Variants in ARHGAP26 observed in about 807,000 individuals in gnomAD.
The protein encoded by ARHGAP26 is rho GTPase-activating protein 26.
In ARHGAP26, 38 loss-of-function variants were observed where a neutral mutation model predicts 104.8. The observed-to-expected ratio is 0.36, with a 90% CI of 0.28 to 0.48. The LOEUF (loss-of-function observed/expected upper bound fraction) is 0.48, where lower values mean the gene tolerates loss of function less well. Among genes scored for constraint, ARHGAP26 ranks in the 20% least tolerant of loss-of-function variants. ARHGAP26 has a pLI of 0.99. For synonymous variants in ARHGAP26, 341 were observed against 340.0 expected (o/e 1.00, Z -0.03); for missense variants, 704 against 947.9 (o/e 0.74, Z 3.38).
chr5:143,185,893 A>T (rs1231876515), intron 20 of ARHGAP26, among the ~76,000 whole-genome samples: 1 of 152,138 alleles, frequency 6.6e-6, no homozygotes, highest in Non-Finnish European at 1.5e-5. Flanking sequence ...TTGACCTTGC[A>T]TCCCCGGTGG....
chr5:142,784,807 C>T (rs960462194), intron 1 of ARHGAP26, among the ~76,000 whole-genome samples: 3 of 152,116 alleles, frequency 2.0e-5, no homozygotes, highest in African/African-American at 7.2e-5. Flanking sequence ...CATTCATCTT[C>T]ACGATTAATA....
At chr5:143,040,103 G>C (rs1783234185) in intron 13 of ARHGAP26, among the ~76,000 whole-genome samples, 1 of 152,152 alleles carries the variant, frequency 6.6e-6, no homozygotes, top group African/African-American at 2.4e-5. Context: ...AAAGTCCCGG[G>C]AAAGCACAAG....
intron 11 of ARHGAP26, among the ~76,000 whole-genome samples, chr5:142,962,708 C>T (rs1347305221): frequency 6.6e-6 from 1 of 151,936 alleles, no homozygotes; most frequent in Non-Finnish European, 1.5e-5. Context: ...GTAACCTGAA[C>T]CCCCAAACAG....
Position 142,875,186 on chromosome 5 carries a change from G to A in ARHGAP26, c.312+15G>A. 1 of 1,613,114 alleles carries A rather than the reference G, an allele frequency of 6.2e-7. No individual in the cohort carries two copies. Among genetic ancestry groups the A allele is most frequent in the Non-Finnish European group, 8.5e-7 (1 of 1,179,098 alleles). On this transcript the variant is annotated intron_variant, in intron 3 of 22. Coordinates refer to ENST00000645722, the MANE Select transcript of ARHGAP26 (RefSeq NM_001135608.3). ...GGATACGGATGGTGAGTAGGGCTGG[G>A]CTACTCTTGGTCCCAGATAGTATAT...
chr5:142,957,126 A>G (rs1003972362), intron 11 of ARHGAP26, among the ~76,000 whole-genome samples: 1 of 152,172 alleles, frequency 6.6e-6, no homozygotes, highest in African/African-American at 2.4e-5. Context: ...TGATGACTTG[A>G]TGGGCACTTG....
rs569310698 is a variant in ARHGAP26, at chr5:143,150,044, A to G, written c.1988+2663A>G. ...AGGACATCAGGGCCCTCTTATTTAC[A>G]TGAATGTAATGCTAAATCAGGCATC... On this transcript the variant is annotated intron_variant, in intron 20 of 22. Transcript: ENST00000645722. Among the ~76,000 whole-genome samples the G allele has an allele frequency of 4.6e-5, 7 of 152,286 alleles. No individual in the cohort carries two copies. In the East Asian group the frequency reaches 1.4e-3, roughly 29 times the overall value.
At chr5:143,137,190 G>A (rs920587449) in intron 19 of ARHGAP26, among the ~76,000 whole-genome samples, 16 of 152,186 alleles carry the variant, frequency 1.1e-4, no homozygotes, top group South Asian at 2.1e-4. Flanking sequence ...GATGGAAAGT[G>A]GTCATCCATA....
chr5:143,075,308 T>C (rs1271318133), intron 17 of ARHGAP26, among the ~76,000 whole-genome samples: 3 of 149,496 alleles, frequency 2.0e-5, no homozygotes, highest in Admixed American at 2.0e-4. Context: ...AAAATATAAA[T>C]ATAAATATAT....
At chr5:142,955,544 C>T (rs1019646910) in intron 11 of ARHGAP26, among the ~76,000 whole-genome samples, 37 of 152,076 alleles carry the variant, frequency 2.4e-4, no homozygotes, top group African/African-American at 8.2e-4. Flanking sequence ...AGAAATTTGG[C>T]ACAACACTTA....
At chr5:143,164,457 T>G (rs538726323) in intron 20 of ARHGAP26, among the ~76,000 whole-genome samples, 1 of 152,340 alleles carries the variant, frequency 6.6e-6, no homozygotes, top group East Asian at 1.9e-4. Flanking sequence ...TAATTTCAGC[T>G]TGAATCAATT....
intron 1 of ARHGAP26, among the ~76,000 whole-genome samples, chr5:142,848,601 T>G (rs1014115785): frequency 5.3e-5 from 8 of 152,192 alleles, no homozygotes; most frequent in Admixed American, 3.9e-4. Flanking sequence ...GTTGTGTAGG[T>G]GGCGTGGAAG....
intron 11 of ARHGAP26, among the ~76,000 whole-genome samples, chr5:142,968,630 T>C (rs1480447249): frequency 6.6e-6 from 1 of 152,242 alleles, no homozygotes; most frequent in East Asian, 1.9e-4. Context: ...GCACTTCTTT[T>C]GTTATTTTAT....
At chr5:143,121,362 TATG>T (rs1412289844) in intron 18 of ARHGAP26, among the ~76,000 whole-genome samples, 1 of 152,142 alleles carries the variant, frequency 6.6e-6, no homozygotes, top group South Asian at 2.1e-4. Flanking sequence ...CAGCCATGGT[TATG>T]GTGGTGGCAG....
chr5:142,795,360 C>T (rs529800887), intron 1 of ARHGAP26, among the ~76,000 whole-genome samples: 5 of 151,122 alleles, frequency 3.3e-5, no homozygotes, highest in East Asian at 1.9e-4. Flanking sequence ...TCTTTACCAC[C>T]GCACAGCATG....
At chr5:143,080,650 A>G (rs1173857508) in intron 17 of ARHGAP26, among the ~76,000 whole-genome samples, 2 of 152,268 alleles carry the variant, frequency 1.3e-5, no homozygotes, top group Non-Finnish European at 2.9e-5. Context: ...TCTGTGTGGT[A>G]CAAGCTGAGT....
At chr5:142,856,774 G>A (rs1752424554) in intron 1 of ARHGAP26, among the ~76,000 whole-genome samples, 1 of 152,120 alleles carries the variant, frequency 6.6e-6, no homozygotes, top group Non-Finnish European at 1.5e-5. Flanking sequence ...GTATACAGAA[G>A]GATGTTTGTA....
intron 3 of ARHGAP26, among the ~76,000 whole-genome samples, chr5:142,876,850 C>G (rs1598040422): frequency 6.6e-6 from 1 of 151,586 alleles, no homozygotes; most frequent in South Asian, 2.1e-4. Flanking sequence ...TACCTTTTGC[C>G]CTACGGAAAG....
At chr5:142,962,377 GT>G (rs1183270260) in intron 11 of ARHGAP26, among the ~76,000 whole-genome samples, 4 of 152,134 alleles carry the variant, frequency 2.6e-5, no homozygotes, top group Non-Finnish European at 5.9e-5. Flanking sequence ...GCTGCTTTTG[GT>G]TTTTAACAAA....
intron 10 of ARHGAP26, among the ~76,000 whole-genome samples, chr5:142,928,231 G>GTTT (rs369377056): frequency 1.5e-5 from 2 of 130,100 alleles, no homozygotes; most frequent in Admixed American, 7.2e-5. Flanking sequence ...GTGTGTGTGT[G>GTTT]TTTTTTTTTT....
Sources: allele counts gnomAD v4.1 joint callset (sites outside exome capture counted in the v4.1 genomes callset), GRCh38; gene constraint gnomAD v4.1.1; transcripts MANE v1.5; gene names NCBI Gene and HGNC (gene_info 2026-07-23, HGNC 2026-07-21).